Variants in GBE1 observed in about 807,000 individuals in gnomAD.
The protein encoded by GBE1 is 1,4-alpha-glucan branching enzyme 1.
A neutral mutation model predicts 88.8 loss-of-function variants in GBE1; 70 were observed. The observed-to-expected ratio is 0.79, with a 90% CI of 0.65 to 0.96. GBE1 has a LOEUF of 0.96. Ranked by LOEUF, GBE1 falls within the 40% of genes least tolerant of loss-of-function variation. GBE1 has a pLI of 0.00. For synonymous variants in GBE1, 284 were observed against 300.1 expected (o/e 0.95, Z 0.56); for missense variants, 872 against 871.0 (o/e 1.00, Z -0.01).
intron 3 of GBE1, among the ~76,000 whole-genome samples, chr3:81,655,405 G>T (rs1027144158): frequency 6.6e-6 from 1 of 152,088 alleles, no homozygotes; most frequent in African/African-American, 2.4e-5. Context: ...AAAGAAAAAA[G>T]TAATCAAAAA....
chr3:81,662,196 C>G (rs1705042013), intron 3 of GBE1, among the ~76,000 whole-genome samples: 1 of 152,082 alleles, frequency 6.6e-6, no homozygotes, highest in African/African-American at 2.4e-5. Context: ...CCACACCCGG[C>G]TAATTTTTGT....
chr3:81,761,267 C>T, intron 1 of GBE1, 108 bp downstream of exon 1: 1 of 1,422,328 alleles, frequency 7.0e-7, no homozygotes, highest in Non-Finnish European at 9.4e-7. Context: ...TTCCTCCCCG[C>T]CTGGGGCGGG....
At chr3:81,649,179 C>T (rs896356575) in intron 4 of GBE1, among the ~76,000 whole-genome samples, 188 bp from the exon 5 acceptor site, 1 of 151,902 alleles carries the variant, frequency 6.6e-6, no homozygotes, top group African/African-American at 2.4e-5. Context: ...GCTAGTGGAC[C>T]TATTTTAAAA....
chr3:81,535,183 C>T lies in GBE1; in HGVS notation c.1934+12G>A. 1 of 1,599,754 alleles carries T rather than the reference C, an allele frequency of 6.3e-7. No homozygotes were observed. The highest frequency in any genetic ancestry group is 8.5e-7 in the Non-Finnish European group (1 of 1,174,262). ...TGTGGACAGTCATATTCACTGGTAACAAAAAGGATATTTCCCTGGCAATGC... is the reference window on the plus strand; with the variant it reads ...TGTGGACAGTCATATTCACTGGTAATAAAAAGGATATTTCCCTGGCAATGC... On this transcript the variant is annotated intron_variant, in intron 14 of 15. Transcript: ENST00000429644.
Position 81,695,613 on chromosome 3 carries a change from G to C in GBE1, c.313+9831C>G, listed in dbSNP as rs1264962004. On this transcript the variant is annotated intron_variant, in intron 2 of 15. Coordinates refer to ENST00000429644, the MANE Select transcript of GBE1 (RefSeq NM_000158.4). ...TAAAAATATAGTAAAAACCACTGAAGTGTGTACTTTAAAGAAGTGAATGTT... is the reference window on the plus strand; with the variant it reads ...TAAAAATATAGTAAAAACCACTGAACTGTGTACTTTAAAGAAGTGAATGTT... Among the ~76,000 whole-genome samples, 12 of 152,140 alleles carry C rather than the reference G, an allele frequency of 7.9e-5. 1 individual carries two copies.
intron 7 of GBE1, among the ~76,000 whole-genome samples, chr3:81,596,897 G>A (rs957737046): frequency 3.3e-5 from 5 of 151,876 alleles, no homozygotes; most frequent in South Asian, 4.1e-4. Flanking sequence ...TAAAGAATAC[G>A]TCACCAGTGA....
chr3:81,556,040 T>C (rs574708825), intron 12 of GBE1, among the ~76,000 whole-genome samples: 3 of 152,258 alleles, frequency 2.0e-5, no homozygotes, highest in African/African-American at 7.2e-5. Flanking sequence ...TTCAGTTGTG[T>C]GCCTTACTTT....
chr3:81,671,741 C>A lies in GBE1; in HGVS notation c.314-788G>T, dbSNP rs1016891293. Among the ~76,000 whole-genome samples the A allele has an allele frequency of 5.3e-5, 8 of 151,908 alleles. No individual in the cohort carries two copies. In the South Asian group the frequency reaches 8.3e-4, roughly 16 times the overall value. Reference sequence around the variant, plus strand: ...AAGAAAATACAGAGAAATATATTTACAATATTGGAGTATAAAAGGTTCTTT... The same window carrying A: ...AAGAAAATACAGAGAAATATATTTAAAATATTGGAGTATAAAAGGTTCTTT... On this transcript the variant is annotated intron_variant, in intron 2 of 15. Coordinates refer to ENST00000429644, the MANE Select transcript of GBE1 (RefSeq NM_000158.4).
At chr3:81,640,381 T>C (rs1704654947) in intron 7 of GBE1, among the ~76,000 whole-genome samples, 1 of 152,080 alleles carries the variant, frequency 6.6e-6, no homozygotes, top group Admixed American at 6.6e-5. Flanking sequence ...ATCTTTCTCC[T>C]GTACTGGACG....
intron 7 of GBE1, among the ~76,000 whole-genome samples, chr3:81,626,469 A>G (rs964489369): frequency 2.0e-5 from 3 of 152,200 alleles, no homozygotes; most frequent in African/African-American, 7.2e-5. Context: ...AGTAAAGGAT[A>G]AAAAGAGGAA....
intron 2 of GBE1, 110 bp from the exon 3 acceptor site, chr3:81,671,063 A>T: frequency 4.0e-6 from 2 of 499,310 alleles, no homozygotes; most frequent in South Asian, 4.3e-5. Context: ...AAATTGTCTA[A>T]AATAATTGTT....
Position 81,490,390 on chromosome 3 carries a change from G to A in GBE1, c.*17C>T, listed in dbSNP as rs1334482756. 1.9e-6 allele frequency: 3 copies of A among 1,604,930 alleles called. No individual in the cohort carries two copies. Among genetic ancestry groups the A allele is most frequent in the Non-Finnish European group, 2.6e-6 (3 of 1,171,880 alleles). On this transcript the variant is annotated 3_prime_UTR_variant, in exon 16 of 16. Coordinates refer to ENST00000429644, the MANE Select transcript of GBE1 (RefSeq NM_000158.4). ...AAAACACAAATCTGCATCTGGTGGA[G>A]CTGAAATCAGGCCTCTTCAATTCGG... is the stretch of plus-strand genomic sequence containing the variant.
At chr3:81,576,582 A>G (rs1485550537) in intron 12 of GBE1, among the ~76,000 whole-genome samples, 1 of 152,184 alleles carries the variant, frequency 6.6e-6, no homozygotes, top group Non-Finnish European at 1.5e-5. Flanking sequence ...GAGTGCCCAT[A>G]TTGGAGAATG....
chr3:81,511,482 A>G (rs1559629077), intron 14 of GBE1, among the ~76,000 whole-genome samples: 1 of 152,050 alleles, frequency 6.6e-6, no homozygotes, highest in East Asian at 1.9e-4. Context: ...TAAACACTCA[A>G]CAAGCGAAAA....
At chr3:81,646,956 C>CTT (rs34290906) in intron 5 of GBE1, among the ~76,000 whole-genome samples, 58 of 132,416 alleles carry the variant, frequency 4.4e-4, no homozygotes, top group Admixed American at 9.2e-4. Flanking sequence ...CATAAGGTAG[C>CTT]TTTTTTTTTT....
chr3:81,514,297 A>G (rs1303873478), intron 14 of GBE1, among the ~76,000 whole-genome samples: 1 of 151,612 alleles, frequency 6.6e-6, no homozygotes, highest in Non-Finnish European at 1.5e-5. Flanking sequence ...ATGTTCTTGA[A>G]ATAAAATGAT....
intron 12 of GBE1, among the ~76,000 whole-genome samples, chr3:81,555,154 G>T (rs1703330195): frequency 6.6e-6 from 1 of 152,132 alleles, no homozygotes; most frequent in Non-Finnish European, 1.5e-5. Context: ...CTTTGCTCTG[G>T]GTAATGCTGA....
intron 7 of GBE1, among the ~76,000 whole-genome samples, chr3:81,617,281 TG>T: frequency 3.9e-5 from 6 of 152,124 alleles, no homozygotes; most frequent in Admixed American, 3.9e-4. Flanking sequence ...TAAATAAGAA[TG>T]GTGATAGTGG....
In GBE1 at chr3:81,602,869, T is replaced by C. The variant is rs114751294; in HGVS notation, c.993-8846A>G. On this transcript the variant is annotated intron_variant, in intron 7 of 15. Transcript: ENST00000429644. ...TTCAAAGAAAATACTTTTGAGACAG[T>C]CTTTCCAGCAGCACACATATCTAGA... Among the ~76,000 whole-genome samples the C allele has an allele frequency of 5.8e-3, 890 of 152,290 alleles. 6 individuals carry two copies. Among genetic ancestry groups the C allele is most frequent in the African/African-American group, 0.017 (702 of 41,552 alleles).
Sources: allele counts gnomAD v4.1 joint callset (sites outside exome capture counted in the v4.1 genomes callset), GRCh38; gene constraint gnomAD v4.1.1; transcripts MANE v1.5; gene names NCBI Gene and HGNC (gene_info 2026-07-23, HGNC 2026-07-21).